Variants in ABCC6 observed in about 807,000 individuals in gnomAD.
ABCC6 encodes ATP binding cassette subfamily C member 6.
ABCC6 carries 126 observed loss-of-function variants against 169.5 expected under a neutral mutation model. The observed-to-expected ratio is 0.74, with a 90% CI of 0.64 to 0.86. The LOEUF (loss-of-function observed/expected upper bound fraction) is 0.86, where lower values mean the gene tolerates loss of function less well. Among genes scored for constraint, ABCC6 ranks in the 40% least tolerant of loss-of-function variants. The pLI, the probability that ABCC6 is intolerant of heterozygous loss-of-function variation, is 0.00. For synonymous variants in ABCC6, 752 were observed against 814.7 expected, an observed-to-expected ratio of 0.92 and a Z score of 1.31; for missense variants, 1,733 against 1,927.2, an observed-to-expected ratio of 0.90 and a Z score of 1.89.
chr16:16,175,879 C>T (rs536488757), intron 20 of ABCC6, 32 bp downstream of exon 20: 4 of 1,613,176 alleles, frequency 2.5e-6, no homozygotes, highest in South Asian at 1.1e-5. Context: ...TCAGCCTGTG[C>T]CCTTCTGAGT....
At chr16:16,203,727 T>A in intron 7 of ABCC6, 114 bp from the exon 8 acceptor site, 18 of 1,134,266 alleles carry the variant, frequency 1.6e-5, no homozygotes, top group Non-Finnish European at 2.2e-5. Context: ...TGGGTGTGGA[T>A]CTAGCCTGGC....
Position 16,175,917 on chromosome 16 carries a change from C to T in ABCC6, c.2660G>A (p.Arg887His), listed in dbSNP as rs201334880. 60 of 1,614,128 alleles carry T rather than the reference C, an allele frequency of 3.7e-5. No individual in the cohort carries two copies. Among genetic ancestry groups the T allele is most frequent in the African/African-American group, 2.5e-4 (19 of 75,036 alleles). ...GGCACCATGGTGGACTCACCTCTCG[C>T]GTCTAAGCTCGGGCCTCCTGCCTGC... ...TSAGRRPELRRERSIKSVPEK... is the reference protein window; with the variant it reads ...TSAGRRPELRHERSIKSVPEK... The change falls in exon 20 of 31, where the codon CGC becomes CAC. Residue 887 changes from arginine (R) to histidine (H), a missense_variant. Around this residue, in one of 5 missense-constraint regions of ABCC6, gnomAD observed 1,601 missense variants for 1,635.5 expected, o/e 0.98. Coordinates refer to ENST00000205557, the MANE Select transcript of ABCC6 (RefSeq NM_001171.6).
At chr16:16,178,736 T>C in intron 18 of ABCC6, 62 bp downstream of exon 18, 1 of 1,598,430 alleles carries the variant, frequency 6.3e-7, no homozygotes, top group South Asian at 1.1e-5. Flanking sequence ...GGGTTAGGAC[T>C]GGATGCTAAG....
At chr16:16,156,489 T>C (rs1335907644) in intron 27 of ABCC6, among the ~76,000 whole-genome samples, 2 of 152,180 alleles carry the variant, frequency 1.3e-5, no homozygotes, top group Non-Finnish European at 2.9e-5. Context: ...CAATGTTGGC[T>C]AAGCCCTGGC....
At chr16:16,180,706 G>T (rs940124271) in intron 17 of ABCC6, among the ~76,000 whole-genome samples, 1 of 152,080 alleles carries the variant, frequency 6.6e-6, no homozygotes, top group Non-Finnish European at 1.5e-5. Context: ...GGCCAGGCTG[G>T]TCTCAAACTC....
At chr16:16,210,001 G>A (rs2048547354) in intron 6 of ABCC6, among the ~76,000 whole-genome samples, 1 of 152,154 alleles carries the variant, frequency 6.6e-6, no homozygotes, top group African/African-American at 2.4e-5. Flanking sequence ...AAAGTGTTGG[G>A]ATTATGGGTG....
intron 5 of ABCC6, 85 bp downstream of exon 5, chr16:16,214,239 T>TA: frequency 1.3e-6 from 2 of 1,545,572 alleles, no homozygotes; most frequent in Non-Finnish European, 1.8e-6. Flanking sequence ...GCTAAATGAA[T>TA]AAAAAAATTA....
At chr16:16,205,952 A>G (rs1044996783) in intron 7 of ABCC6, among the ~76,000 whole-genome samples, 1 of 152,170 alleles carries the variant, frequency 6.6e-6, no homozygotes, top group African/African-American at 2.4e-5. Flanking sequence ...GGCTGGGTGG[A>G]CAGAACTTGG....
At chr16:16,194,772 C>CTTGG in intron 10 of ABCC6, among the ~76,000 whole-genome samples, 1 of 152,098 alleles carries the variant, frequency 6.6e-6, no homozygotes, top group African/African-American at 2.4e-5. Context: ...CTCACTGCAA[C>CTTGG]CTCTGCTTCC....
chr16:16,221,269 T>C (rs1441056582), intron 2 of ABCC6: 7 of 1,254,430 alleles, frequency 5.6e-6, no homozygotes, highest in African/African-American at 1.5e-5. Context: ...ATACAGCCAG[T>C]GGGGGAACAT....
Position 16,161,512 on chromosome 16 carries a change from C to T in ABCC6, c.3559G>A (p.Ala1187Thr). Reference protein sequence around the residue: ...LLGNGLVFAAATCAVLSKAHL... With the variant: ...LLGNGLVFAATTCAVLSKAHL... The stretch of plus-strand genomic sequence containing the variant: ...GCTTTGCTCAGCACAGCACACGTGG[C>T]AGCTGCAAACACCAGGCCATTCCCC... Residue 1187 changes from alanine (A) to threonine (T), a missense_variant, in exon 25 of 31, where the codon GCC (alanine) becomes ACC (threonine). Transcript: ENST00000205557. 1 of 1,613,982 alleles carries T rather than the reference C, an allele frequency of 6.2e-7. No homozygotes were observed. Among genetic ancestry groups the T allele is most frequent in the Non-Finnish European group, 8.5e-7 (1 of 1,180,040 alleles).
At chr16:16,206,457 A>G (rs1225970563) in intron 7 of ABCC6, among the ~76,000 whole-genome samples, 1 of 150,476 alleles carries the variant, frequency 6.6e-6, no homozygotes, top group Non-Finnish European at 1.5e-5. Flanking sequence ...ACATGGAGAA[A>G]CCCCGCCTCT....
At chr16:16,175,301 C>T (rs535927283) in intron 20 of ABCC6, among the ~76,000 whole-genome samples, 2 of 152,180 alleles carry the variant, frequency 1.3e-5, no homozygotes, top group Non-Finnish European at 2.9e-5. Context: ...GGCACTTAAG[C>T]TCAGGCCATC....
chr16:16,190,072 T>C (rs2047794980), intron 12 of ABCC6, 92 bp downstream of exon 12: 1 of 1,377,412 alleles, frequency 7.3e-7, no homozygotes, highest in Non-Finnish European at 1.0e-6. Context: ...GACGGGGTGG[T>C]AGGATCTGGG....
intron 12 of ABCC6, among the ~76,000 whole-genome samples, chr16:16,189,240 G>A (rs1450997182): frequency 6.6e-6 from 1 of 152,184 alleles, no homozygotes; most frequent in Non-Finnish European, 1.5e-5. Context: ...TAGAACCTAG[G>A]GGAGAACCTA....
At chr16:16,166,465 A>G (rs1474083722) in intron 22 of ABCC6, among the ~76,000 whole-genome samples, 1 of 151,956 alleles carries the variant, frequency 6.6e-6, no homozygotes, top group Non-Finnish European at 1.5e-5. Flanking sequence ...TCAGAGACAC[A>G]GCAGGAGATA....
At chr16:16,178,400 G>A (rs2047357738) in intron 18 of ABCC6, among the ~76,000 whole-genome samples, 2 of 152,130 alleles carry the variant, frequency 1.3e-5, no homozygotes, top group South Asian at 4.2e-4. Context: ...TGGGGTGGGG[G>A]TATTGTCCCT....
chr16:16,187,203 C>A lies in ABCC6; in HGVS notation c.1788G>T (p.Val596=). The change falls in exon 14 of 31, where the codon GTG becomes GTT. Residue 596 remains valine, a synonymous_variant. Transcript: ENST00000205557. ...GGAAGGTGACCAGACGGTCAAAGGA[C>A]ACCCGGGCCTAGGAAAACCGAAGCC... ...FSIHSLVQAR[V]SFDRLVTFLC... The A allele has an allele frequency of 6.2e-7, 1 of 1,613,512 alleles. No individual in the cohort carries two copies. Among genetic ancestry groups the A allele is most frequent in the South Asian group, 1.1e-5 (1 of 90,986 alleles).
In ABCC6 at chr16:16,154,904, G is replaced by A. The variant is rs780504422; in HGVS notation, c.4010C>T (p.Thr1337Ile). 1.9e-6 allele frequency: 3 copies of A among 1,611,554 alleles called. No individual in the cohort carries two copies. Among genetic ancestry groups the A allele is most frequent in the Non-Finnish European group, 2.5e-6 (3 of 1,179,024 alleles). Reference protein sequence around the residue: ...GVPIAHVGLHTLRSRISIIPQ... With the variant: ...GVPIAHVGLHILRSRISIIPQ... The stretch of plus-strand genomic sequence containing the variant: ...GATGATGCTGATCCTGGAGCGCAGT[G>A]TGTGCAGCCCCACGTGGGCAATGGG... Residue 1337 changes from threonine (T) to isoleucine (I), a missense_variant, in exon 28 of 31, where the codon ACA becomes ATA. This residue lies in a region of ABCC6 where 1,601 missense variants were observed against 1,635.5 expected (regional missense o/e 0.98). Transcript: ENST00000205557.
Sources: allele counts gnomAD v4.1 joint callset (sites outside exome capture counted in the v4.1 genomes callset), GRCh38; gene constraint gnomAD v4.1.1; regional missense constraint gnomAD v4.1.1; transcripts MANE v1.5; gene names NCBI Gene and HGNC (gene_info 2026-07-23, HGNC 2026-07-21).